Variants in P2RY8 observed in about 807,000 individuals in gnomAD.
P2RY8 encodes the protein S-geranylgeranyl-glutathione receptor P2RY8.
Under a neutral mutation model 10.0 loss-of-function variants are expected in P2RY8, and 6 were observed. That is an observed-to-expected ratio of 0.60 (90% CI 0.33 to 1.19). P2RY8 has a LOEUF of 1.19. Among genes scored for constraint, P2RY8 ranks in the 50% most tolerant of loss-of-function variants. The probability of loss-of-function intolerance (pLI) is 0.04; values close to 1 mark genes in which losing one functional copy is unlikely to be tolerated. For missense variants in P2RY8, 456 were observed against 542.0 expected, an observed-to-expected ratio of 0.84 and a Z score of 1.58; for synonymous variants, 276 against 252.5, an observed-to-expected ratio of 1.09 and a Z score of -0.88.
intron 1 of P2RY8, among the ~76,000 whole-genome samples, chrX:1,478,564 C>T (rs1336675599): frequency 9.9e-5 from 15 of 151,824 alleles, no homozygotes; most frequent in Non-Finnish European, 1.8e-4. Context: ...CTGCAACCTC[C>T]GCCTCCCGGG....
intron 1 of P2RY8, among the ~76,000 whole-genome samples, chrX:1,490,543 C>A (rs60888752): frequency 7.0e-6 from 1 of 143,706 alleles, no homozygotes; most frequent in African/African-American, 2.6e-5. Flanking sequence ...AATGATACCC[C>A]GGATTCACTT....
chrX:1,524,890 T>TATCCATCCATCCATCC (rs567762716), intron 1 of P2RY8, among the ~76,000 whole-genome samples: 93 of 110,934 alleles, frequency 8.4e-4, no homozygotes, highest in African/African-American at 2.5e-3. Flanking sequence ...TCCATCCATC[T>TATCCATCCATCCATCC]ATCCATCCAT....
intron 1 of P2RY8, among the ~76,000 whole-genome samples, chrX:1,470,156 C>T (rs1302139034): frequency 2.0e-5 from 3 of 152,016 alleles, no homozygotes; most frequent in African/African-American, 4.8e-5. Flanking sequence ...GTCAGGAGTT[C>T]GAGACCAGCC....
At chrX:1,508,328 C>T (rs1257922425) in intron 1 of P2RY8, among the ~76,000 whole-genome samples, 1 of 152,136 alleles carries the variant, frequency 6.6e-6, no homozygotes, top group African/African-American at 2.4e-5. Context: ...ACATCTCTGG[C>T]TGTCATGACG....
At chrX:1,467,482 C>T (rs370875534) in intron 1 of P2RY8, among the ~76,000 whole-genome samples, 2 of 152,186 alleles carry the variant, frequency 1.3e-5, no homozygotes, top group East Asian at 3.8e-4. Context: ...CCTCCAGCCA[C>T]CTATGGCTTC....
intron 1 of P2RY8, among the ~76,000 whole-genome samples, chrX:1,520,143 ATC>A (rs1227877465): frequency 6.7e-6 from 1 of 149,080 alleles, no homozygotes; most frequent in Non-Finnish European, 1.5e-5. Context: ...ACCCCCAATA[ATC>A]TCTGTGGTCC....
intron 1 of P2RY8, among the ~76,000 whole-genome samples, chrX:1,468,407 A>T (rs1265827289): frequency 6.6e-6 from 1 of 152,138 alleles, no homozygotes; most frequent in African/African-American, 2.4e-5. Flanking sequence ...ATCTGTTGCC[A>T]TTTCGAGTCT....
At chrX:1,501,517 A>C (rs1299562815) in intron 1 of P2RY8, among the ~76,000 whole-genome samples, 1 of 151,992 alleles carries the variant, frequency 6.6e-6, no homozygotes, top group Non-Finnish European at 1.5e-5. Flanking sequence ...GCTCACCACC[A>C]TGGCTGGCTA....
chrX:1,519,733 G>C (rs749168937), intron 1 of P2RY8, among the ~76,000 whole-genome samples: 4 of 151,488 alleles, frequency 2.6e-5, no homozygotes, highest in African/African-American at 9.7e-5. Context: ...TCATCTCCCT[G>C]GTCCCCAAGA....
At chrX:1,493,810 G>A (rs772384481) in intron 1 of P2RY8, among the ~76,000 whole-genome samples, 1 of 152,284 alleles carries the variant, frequency 6.6e-6, no homozygotes, top group African/African-American at 2.4e-5. Flanking sequence ...TTGCGGCAAC[G>A]TCTGAAGATG....
chrX:1,487,025 C>A (rs1326421558), intron 1 of P2RY8, among the ~76,000 whole-genome samples: 2 of 152,254 alleles, frequency 1.3e-5, no homozygotes, highest in African/African-American at 4.8e-5. Flanking sequence ...GCCTGGCCTC[C>A]TCATCCCTCA....
chrX:1,497,976 G>T (rs1435507690), intron 1 of P2RY8, among the ~76,000 whole-genome samples: 2 of 152,000 alleles, frequency 1.3e-5, no homozygotes, highest in Non-Finnish European at 1.5e-5. Context: ...GTACACTCCC[G>T]CCGGGTGCCA....
At chrX:1,502,812 C>T (rs2092193058) in intron 1 of P2RY8, among the ~76,000 whole-genome samples, 1 of 151,500 alleles carries the variant, frequency 6.6e-6, no homozygotes, top group Admixed American at 6.6e-5. Context: ...CACGTGGAGA[C>T]GGAGACAGAG....
rs2092286992 is a variant in P2RY8, at chrX:1,509,980, TCCATCA to T, written c.-25+26935_-25+26940del. Among the ~76,000 whole-genome samples the T allele has an allele frequency of 1.4e-4, 6 of 42,784 alleles. No individual in the cohort carries two copies. The South Asian group carries it at 3.7e-3, about 26-fold the overall frequency. 28.1% of individuals were successfully genotyped at this position (42,784 alleles called of 152,430 possible). A position where few individuals can be genotyped will look rare whatever the true frequency, so the allele number is the denominator to read the frequency against. ...TATTATCTATGCATCCATCCATCCA[TCCATCA>T]TCTATGTATCTATGTATCTATCCAT... On this transcript the variant is annotated intron_variant, in intron 1 of 1. Coordinates refer to ENST00000381297, the MANE Select transcript of P2RY8 (RefSeq NM_178129.5).
At position 1,465,739 on chromosome X, in the gene P2RY8, C is replaced by T. The variant is rs1402646692; in HGVS notation, c.820G>A (p.Val274Met). The T allele has an allele frequency of 6.2e-7, 1 of 1,613,696 alleles. No homozygotes were observed. The highest frequency in any genetic ancestry group is 8.5e-7 in the Non-Finnish European group (1 of 1,179,842). ...RLFYGKSYYHVYKLTLCLSCL... is the reference protein window; with the variant it reads ...RLFYGKSYYHMYKLTLCLSCL... Reference sequence around the variant, plus strand: ...CTGAGACACAGCGTGAGCTTGTACACGTGGTAGTAGCTCTTGCCGTAGAAC... The same window carrying T: ...CTGAGACACAGCGTGAGCTTGTACATGTGGTAGTAGCTCTTGCCGTAGAAC... The change falls in exon 2 of 2, where the codon GTG becomes ATG. Residue 274 changes from valine (V) to methionine (M), a missense_variant. Val to Met is a conservative substitution (Grantham distance 21). Coordinates refer to ENST00000381297, the MANE Select transcript of P2RY8 (RefSeq NM_178129.5).
chrX:1,495,603 C>G (rs2092108651), intron 1 of P2RY8, among the ~76,000 whole-genome samples: 1 of 143,662 alleles, frequency 7.0e-6, no homozygotes, highest in South Asian at 2.2e-4. Context: ...CTAAGCTGCC[C>G]AGTCTATGGT....
intron 1 of P2RY8, among the ~76,000 whole-genome samples, chrX:1,478,530 G>A (rs2091901702): frequency 6.6e-6 from 1 of 151,954 alleles, no homozygotes; most frequent in Admixed American, 6.6e-5. Context: ...CCAGGCTGGA[G>A]TGAAGTGGCA....
At chrX:1,526,092 A>G (rs1318687586) in intron 1 of P2RY8, among the ~76,000 whole-genome samples, 19 of 151,668 alleles carry the variant, frequency 1.3e-4, no homozygotes, top group Non-Finnish European at 2.5e-4. Context: ...TCATCCATCC[A>G]TTTATCAATA....
intron 1 of P2RY8, among the ~76,000 whole-genome samples, chrX:1,496,293 C>T (rs1178438308): frequency 6.6e-6 from 1 of 152,178 alleles, no homozygotes; most frequent in Admixed American, 6.5e-5. Context: ...TGGAGTCATG[C>T]TCCCCCGCCA....
Sources: allele counts gnomAD v4.1 joint callset (sites outside exome capture counted in the v4.1 genomes callset), GRCh38; gene constraint gnomAD v4.1.1; transcripts MANE v1.5; gene names NCBI Gene and HGNC (gene_info 2026-07-23, HGNC 2026-07-21).